The following SLCO1A2 variants were observed in gnomAD, a reference collection of about 807,000 sequenced individuals.
SLCO1A2 encodes solute carrier organic anion transporter family member 1A2.
In SLCO1A2, 67 loss-of-function variants were observed where a neutral mutation model predicts 69.0. The observed-to-expected ratio is 0.97, with a 90% CI of 0.80 to 1.19. The LOEUF is 1.19. SLCO1A2 is among the 50% of genes most tolerant of loss of function. The probability of loss-of-function intolerance (pLI) is 0.00; values close to 1 mark genes in which losing one functional copy is unlikely to be tolerated. For synonymous variants in SLCO1A2, 260 were observed against 265.9 expected (o/e 0.98, Z 0.22); for missense variants, 787 against 793.7 (o/e 0.99, Z 0.10).
chr12:21,388,967 C>A (rs903863551), intron 1 of SLCO1A2, among the ~76,000 whole-genome samples: 1 of 152,140 alleles, frequency 6.6e-6, no homozygotes, highest in African/African-American at 2.4e-5. Context: ...ATACAGCAAT[C>A]CAATGGATGC....
chr12:21,365,318 C>T (rs78498584), intron 2 of SLCO1A2, among the ~76,000 whole-genome samples: 7,922 of 151,958 alleles, frequency 0.052, 287 homozygotes, highest in Non-Finnish European at 0.079. Flanking sequence ...ATTTAATAAA[C>T]GGTGCTGGGA....
chr12:21,394,555 G>GCACACA (rs35166807), intron 1 of SLCO1A2, among the ~76,000 whole-genome samples: 64 of 138,996 alleles, frequency 4.6e-4, no homozygotes, highest in African/African-American at 9.5e-4. Flanking sequence ...AATAACACAC[G>GCACACA]CACACACACA....
At position 21,269,544 on chromosome 12, in the gene SLCO1A2, A is replaced by G; in HGVS notation, c.*4T>C. On this transcript the variant is annotated 3_prime_UTR_variant, in exon 15 of 15. Transcript: ENST00000683939. ...ATTCTGAAAAAAGTAATATAATAGGACAATTACAATTTAGTTTTCAATTCA... is the reference window on the plus strand; with the variant it reads ...ATTCTGAAAAAAGTAATATAATAGGGCAATTACAATTTAGTTTTCAATTCA... The G allele has an allele frequency of 6.3e-7, 1 of 1,595,696 alleles. No homozygotes were observed. The highest frequency in any genetic ancestry group is 8.6e-7 in the Non-Finnish European group (1 of 1,165,050).
At chr12:21,309,218 G>A (rs1949805500) in intron 4 of SLCO1A2, among the ~76,000 whole-genome samples, 1 of 152,128 alleles carries the variant, frequency 6.6e-6, no homozygotes, top group Non-Finnish European at 1.5e-5. Context: ...GGTTAATACA[G>A]GATGTCCAAT....
At chr12:21,356,745 T>A (rs957534141) in intron 2 of SLCO1A2, among the ~76,000 whole-genome samples, 8 of 152,176 alleles carry the variant, frequency 5.3e-5, no homozygotes, top group African/African-American at 1.7e-4. Flanking sequence ...ATTTAAATAA[T>A]AGTAGCTTAA....
At chr12:21,373,804 A>G (rs12306305) in intron 2 of SLCO1A2, 16,041 of 637,588 alleles carry the variant, frequency 0.025, 820 homozygotes, top group African/African-American at 0.16. Flanking sequence ...ATATATTTTT[A>G]TACCAAGTGG....
intron 4 of SLCO1A2, among the ~76,000 whole-genome samples, chr12:21,308,764 G>A (rs929399009): frequency 2.0e-5 from 3 of 152,154 alleles, no homozygotes; most frequent in Non-Finnish European, 2.9e-5. Flanking sequence ...GTGCGAAACA[G>A]CCAGTCCCTG....
Position 21,307,742 on chromosome 12 carries a change from TTTTCTGTA to T in SLCO1A2, c.336-762_336-755del, listed in dbSNP as rs143065279. 3.2e-4 allele frequency among the ~76,000 whole-genome samples: 49 copies of T among 152,338 alleles called. No individual in the cohort carries two copies. The East Asian group carries it at 8.9e-3, about 28-fold the overall frequency. Reference sequence around the variant, plus strand: ...GTTTGTTAGAAATAATGCTGGATTGTTTTCTGTATTTCTATTAAATAAGGTAGTCAGAA... The same window carrying T: ...GTTTGTTAGAAATAATGCTGGATTGTTTTCTATTAAATAAGGTAGTCAGAA... On this transcript the variant is annotated intron_variant, in intron 4 of 14. Coordinates refer to ENST00000683939, the MANE Select transcript of SLCO1A2 (RefSeq NM_001386879.1).
intron 5 of SLCO1A2, among the ~76,000 whole-genome samples, chr12:21,306,402 T>A (rs1381704579): frequency 6.6e-6 from 1 of 152,074 alleles, no homozygotes; most frequent in African/African-American, 2.4e-5. Context: ...CTTGGATCAC[T>A]GCAACCTCTG....
intron 2 of SLCO1A2, among the ~76,000 whole-genome samples, chr12:21,334,365 T>A (rs1019051968): frequency 3.9e-5 from 6 of 152,038 alleles, no homozygotes; most frequent in African/African-American, 1.4e-4. Flanking sequence ...TCCATTTAAG[T>A]CTCTCAAAGC....
intron 1 of SLCO1A2, among the ~76,000 whole-genome samples, chr12:21,380,281 T>C (rs747933038): frequency 6.6e-6 from 1 of 152,202 alleles, no homozygotes; most frequent in Non-Finnish European, 1.5e-5. Context: ...TTTCTAGTGT[T>C]AACAAAATTT....
intron 12 of SLCO1A2, among the ~76,000 whole-genome samples, chr12:21,286,264 T>C (rs1402268774): frequency 7.0e-6 from 1 of 141,894 alleles, no homozygotes; most frequent in Admixed American, 7.2e-5. Context: ...TCACAATTGC[T>C]TCAAAGAGAA....
intron 14 of SLCO1A2, 56 bp downstream of exon 14, chr12:21,274,413 T>C (rs1170158452): frequency 8.8e-7 from 1 of 1,139,754 alleles, no homozygotes; most frequent in Non-Finnish European, 1.3e-6. Flanking sequence ...TGAATGGTGC[T>C]GCGTTATGCA....
intron 2 of SLCO1A2, among the ~76,000 whole-genome samples, chr12:21,365,902 G>T (rs940621935): frequency 2.0e-4 from 31 of 152,178 alleles, no homozygotes; most frequent in African/African-American, 7.5e-4. Context: ...GGAAACAACA[G>T]GTGCTGGAGA....
intron 2 of SLCO1A2, among the ~76,000 whole-genome samples, chr12:21,371,965 G>A (rs1295387733): frequency 1.3e-5 from 2 of 151,264 alleles, no homozygotes; most frequent in Non-Finnish European, 2.9e-5. Flanking sequence ...TCGCACCCTT[G>A]TACTCCAGCC....
chr12:21,378,096 T>A, intron 1 of SLCO1A2: 1 of 681,160 alleles, frequency 1.5e-6, no homozygotes. Context: ...GCCATCTAGG[T>A]GTTTGCAAAC....
intron 12 of SLCO1A2, among the ~76,000 whole-genome samples, chr12:21,289,390 G>A (rs1345645285): frequency 6.6e-6 from 1 of 152,094 alleles, no homozygotes; most frequent in Non-Finnish European, 1.5e-5. Context: ...AGACGACAGG[G>A]TGGCCTCCCA....
chr12:21,294,118 G>T lies in SLCO1A2; in HGVS notation c.1272-8C>A, dbSNP rs181402679. 1.9e-6 allele frequency: 3 copies of T among 1,568,082 alleles called. No individual in the cohort carries two copies. Among genetic ancestry groups the T allele is most frequent in the East Asian group, 2.4e-5 (1 of 42,450 alleles). Reference sequence around the variant, plus strand: ...TATAAATCTTGTGGAATTCTGAAGTGATTTAAAATAATGCCATAGATATTA... The same window carrying T: ...TATAAATCTTGTGGAATTCTGAAGTTATTTAAAATAATGCCATAGATATTA... On this transcript the variant is annotated splice_polypyrimidine_tract_variant and splice_region_variant and intron_variant, in intron 10 of 14. Coordinates refer to ENST00000683939, the MANE Select transcript of SLCO1A2 (RefSeq NM_001386879.1).
At chr12:21,271,614 TTA>T (rs929206496) in intron 14 of SLCO1A2, among the ~76,000 whole-genome samples, 18 of 149,150 alleles carry the variant, frequency 1.2e-4, no homozygotes, top group African/African-American at 2.7e-4. Context: ...TTTATACATA[TTA>T]TGTTTTAAAT....
Sources: gnomAD v4.1 joint callset for allele counts (sites outside exome capture counted in the v4.1 genomes callset) on GRCh38, gnomAD v4.1.1 for gene constraint, MANE v1.5 for transcripts, NCBI Gene and HGNC (gene_info 2026-07-23, HGNC 2026-07-21) for gene names.